Variants in TRAFD1 observed in about 807,000 individuals in gnomAD.
TRAFD1 encodes the protein TRAF-type zinc finger domain-containing protein 1.
TRAFD1 carries 38 observed loss-of-function variants against 65.3 expected under a neutral mutation model. That is an observed-to-expected ratio of 0.58 (90% CI 0.45 to 0.76). The LOEUF (loss-of-function observed/expected upper bound fraction) is 0.76, where lower values mean the gene tolerates loss of function less well. TRAFD1 is among the 30% of genes least tolerant of loss of function. TRAFD1 has a pLI of 0.00. For synonymous variants in TRAFD1, 223 were observed against 257.2 expected (o/e 0.87, Z 1.27); for missense variants, 631 against 712.6 (o/e 0.89, Z 1.30).
At chr12:112,140,375 G>A (rs1196800296) in intron 4 of TRAFD1, among the ~76,000 whole-genome samples, 3 of 148,964 alleles carry the variant, frequency 2.0e-5, no homozygotes, top group Non-Finnish European at 4.4e-5. Context: ...AGCCAAGATT[G>A]CGCCATTGCA....
intron 7 of TRAFD1, among the ~76,000 whole-genome samples, chr12:112,147,244 A>C (rs956675674): frequency 6.6e-6 from 1 of 151,960 alleles, no homozygotes; most frequent in South Asian, 2.1e-4. Flanking sequence ...TGACCTGCCC[A>C]CTTCAGCCTC....
At chr12:112,150,677 G>T (rs2030375981) in intron 9 of TRAFD1, among the ~76,000 whole-genome samples, 1 of 151,806 alleles carries the variant, frequency 6.6e-6, no homozygotes. Flanking sequence ...TTAGCCTCCT[G>T]AGTAGCTGGG....
intron 2 of TRAFD1, among the ~76,000 whole-genome samples, chr12:112,131,746 G>A (rs919829855): frequency 6.6e-6 from 1 of 152,092 alleles, no homozygotes; most frequent in Non-Finnish European, 1.5e-5. Context: ...ATTAGTATTT[G>A]GTCTGGTTGG....
chr12:112,135,196 T>TCAAACA, intron 4 of TRAFD1, 130 bp downstream of exon 4: 1 of 1,063,232 alleles, frequency 9.4e-7, no homozygotes, highest in Non-Finnish European at 1.4e-6. Context: ...TCTCAAAGCC[T>TCAAACA]GTTTGAGGCC....
chr12:112,126,368 TG>T (rs1476908138), intron 1 of TRAFD1, among the ~76,000 whole-genome samples: 1 of 152,162 alleles, frequency 6.6e-6, no homozygotes, highest in Admixed American at 6.5e-5. Context: ...GACTTTTCTG[TG>T]CCTCAACTCT....
chr12:112,146,917 C>T (rs2030263775), intron 7 of TRAFD1, among the ~76,000 whole-genome samples: 1 of 138,956 alleles, frequency 7.2e-6, no homozygotes, highest in African/African-American at 2.8e-5. Flanking sequence ...ATTGACTATT[C>T]TTGAGCCATT....
Position 112,151,906 on chromosome 12 carries a change from A to G in TRAFD1, c.1385A>G (p.Tyr462Cys). 7 of 1,614,136 alleles carry G rather than the reference A, an allele frequency of 4.3e-6. No homozygotes were observed. Among genetic ancestry groups the G allele is most frequent in the Non-Finnish European group, 5.9e-6 (7 of 1,180,026 alleles). Residue 462 changes from tyrosine to cysteine, a missense_variant, in exon 10 of 12, where the codon TAT (tyrosine) becomes TGT (cysteine). Coordinates refer to ENST00000412615, the MANE Select transcript of TRAFD1 (RefSeq NM_006700.3). ...SRPINNMTAT[Y>C]NQLSRSTSGP... ...CCCATTAACAATATGACAGCTACCT[A>G]TAACCAGCTATCGAGATCAACATCA...
chr12:112,139,522 C>T (rs1374307310), intron 4 of TRAFD1, among the ~76,000 whole-genome samples: 4 of 151,450 alleles, frequency 2.6e-5, no homozygotes, highest in African/African-American at 9.7e-5. Flanking sequence ...CTCCCGGGTT[C>T]AAGCAATTCT....
At position 112,151,963 on chromosome 12, in the gene TRAFD1, C is replaced by G. The variant is rs1252746159; in HGVS notation, c.1442C>G (p.Pro481Arg). The change falls in exon 10 of 12, where the codon CCT becomes CGT. Residue 481 changes from proline (P) to arginine (R), a missense_variant. Pro to Arg is a moderately radical substitution (Grantham distance 103). Transcript: ENST00000412615. Reference sequence around the variant, plus strand: ...AGACCTGGGTGCCAGCCCAGCTCTCCTTGTGTGCCGAAGCTCAGCAACTCA... The same window carrying G: ...AGACCTGGGTGCCAGCCCAGCTCTCGTTGTGTGCCGAAGCTCAGCAACTCA... Reference protein sequence around the residue: ...GPRPGCQPSSPCVPKLSNSDS... With the variant: ...GPRPGCQPSSRCVPKLSNSDS... 6.2e-7 allele frequency: 1 copy of G among 1,614,228 alleles called. No individual in the cohort carries two copies. The highest frequency in any genetic ancestry group is 1.7e-5 in the Admixed American group (1 of 60,034).
At chr12:112,135,578 C>T (rs1182588607) in intron 4 of TRAFD1, among the ~76,000 whole-genome samples, 3 of 151,980 alleles carry the variant, frequency 2.0e-5, no homozygotes, top group African/African-American at 4.8e-5. Context: ...GGATTATAGG[C>T]GCCCACCACC....
intron 4 of TRAFD1, among the ~76,000 whole-genome samples, chr12:112,138,448 GC>G (rs1456633674): frequency 1.3e-5 from 2 of 152,014 alleles, no homozygotes; most frequent in Admixed American, 1.3e-4. Flanking sequence ...TACTCGGGAG[GC>G]TGAGGCAGGA....
In TRAFD1 at chr12:112,130,079, C is replaced by T. The variant is rs144360007; in HGVS notation, c.-12-432C>T. ...TTCCTCTTGCACATTCCTCCTGCCT[C>T]GGCCTCTCGAGTAGCTGGGACTACA... On this transcript the variant is annotated intron_variant, in intron 1 of 11. Transcript: ENST00000412615. The surrounding 1 kb of genome is among the most constrained non-coding windows in gnomAD (Gnocchi z 4.4). Among the ~76,000 whole-genome samples, 3 of 152,112 alleles carry T rather than the reference C, an allele frequency of 2.0e-5. No individual in the cohort carries two copies. Among genetic ancestry groups the T allele is most frequent in the African/African-American group, 7.2e-5 (3 of 41,492 alleles).
rs771687079 is a variant in TRAFD1 at position 112,151,900 on chromosome 12, C to T, written c.1379C>T (p.Ala460Val). 105 of 1,614,052 alleles carry T rather than the reference C, an allele frequency of 6.5e-5. No homozygotes were observed. Among genetic ancestry groups the T allele is most frequent in the Non-Finnish European group, 8.1e-5 (96 of 1,180,032 alleles). ...PPSRPINNMT[A>V]TYNQLSRSTS... is the part of the protein sequence containing the mutation. Reference sequence around the variant, plus strand: ...AGCCGACCCATTAACAATATGACAGCTACCTATAACCAGCTATCGAGATCA... The same window carrying T: ...AGCCGACCCATTAACAATATGACAGTTACCTATAACCAGCTATCGAGATCA... The change falls in exon 10 of 12, where the codon GCT (alanine) becomes GTT (valine). Residue 460 changes from alanine to valine, a missense_variant. Ala to Val is a moderately conservative substitution (Grantham distance 64). Transcript: ENST00000412615.
intron 5 of TRAFD1, among the ~76,000 whole-genome samples, chr12:112,141,694 G>C (rs1188707338): frequency 6.6e-6 from 1 of 152,084 alleles, no homozygotes; most frequent in Non-Finnish European, 1.5e-5. Flanking sequence ...TGCTTTATAC[G>C]TATTAACTCA....
Position 112,152,591 on chromosome 12 carries a change from A to G in TRAFD1, c.1692+92A>G. 1.3e-6 allele frequency: 2 copies of G among 1,595,636 alleles called. No individual in the cohort carries two copies. Among genetic ancestry groups the G allele is most frequent in the Non-Finnish European group, 8.6e-7 (1 of 1,166,698 alleles). On this transcript the variant is annotated intron_variant, in intron 11 of 11. Coordinates refer to ENST00000412615, the MANE Select transcript of TRAFD1 (RefSeq NM_006700.3). This position sits in a 1 kb window ranked among gnomAD's most constrained non-coding sequence, Gnocchi z 5.0. ...TGAAGTTGTAGAAGTTGTTGGGACC[A>G]GGCTGGTTGTGGTTCAAAGATTGTT...
rs2079561649 is a variant in TRAFD1 at position 112,130,355 on chromosome 12, TAAG to T, written c.-12-153_-12-151del. On this transcript the variant is annotated intron_variant, in intron 1 of 11. Coordinates refer to ENST00000412615, the MANE Select transcript of TRAFD1 (RefSeq NM_006700.3). This position sits in a 1 kb window ranked among gnomAD's most constrained non-coding sequence, Gnocchi z 4.4. ...TTATTTTAAATTGAAAATTTTAAAATAAGAAAATCCCAAGGGACTGGATATTGA... is the reference window on the plus strand; with the variant it reads ...TTATTTTAAATTGAAAATTTTAAAATAAAATCCCAAGGGACTGGATATTGA... 2 of 448,256 alleles carry T rather than the reference TAAG, an allele frequency of 4.5e-6. No individual in the cohort carries two copies. The highest frequency in any genetic ancestry group is 4.5e-5 in the South Asian group (1 of 22,408). 27.8% of individuals were successfully genotyped at this position (448,256 alleles called of 1,614,324 possible). A position where few individuals can be genotyped will look rare whatever the true frequency, so the allele number is the denominator to read the frequency against.
chr12:112,141,328 T>G, intron 5 of TRAFD1, 104 bp downstream of exon 5: 1 of 1,317,532 alleles, frequency 7.6e-7, no homozygotes, highest in Non-Finnish European at 1.0e-6. Context: ...GAAACCCGAC[T>G]GTAGCTGAGT....
At chr12:112,150,585 G>C (rs2030372735) in intron 9 of TRAFD1, among the ~76,000 whole-genome samples, 1 of 150,990 alleles carries the variant, frequency 6.6e-6, no homozygotes, top group African/African-American at 2.4e-5. Flanking sequence ...TTTTAGACAG[G>C]GTCTCTTTGT....
At position 112,142,255 on chromosome 12, in the gene TRAFD1, C is replaced by G; in HGVS notation, c.810C>G (p.Asp270Glu). Reference sequence around the variant, plus strand: ...TCTGGAGGGCCGTATGTGAGGCCGACCAGTCTCATGGCGGTCCCAGGTCTC... The same window carrying G: ...TCTGGAGGGCCGTATGTGAGGCCGAGCAGTCTCATGGCGGTCCCAGGTCTC... ...QDFWRAVCEA[D>E]QSHGGPRSLS... The change falls in exon 6 of 12, where the codon GAC (aspartate) becomes GAG (glutamate). Residue 270 changes from aspartate to glutamate, a missense_variant. Asp to Glu is a conservative substitution (Grantham distance 45). Coordinates refer to ENST00000412615, the MANE Select transcript of TRAFD1 (RefSeq NM_006700.3). 1.2e-6 allele frequency: 2 copies of G among 1,613,818 alleles called. No homozygotes were observed. The highest frequency in any genetic ancestry group is 1.7e-6 in the Non-Finnish European group (2 of 1,179,850).
Sources: gnomAD v4.1 joint callset for allele counts (sites outside exome capture counted in the v4.1 genomes callset) on GRCh38, gnomAD v4.1.1 for gene constraint, Gnocchi (gnomAD v3.1) non-coding constraint, MANE v1.5 for transcripts, NCBI Gene and HGNC (gene_info 2026-07-23, HGNC 2026-07-21) for gene names.